GSDMC: variants seen among roughly 807,000 people sequenced by gnomAD.
GSDMC encodes gasdermin-C.
In GSDMC, 59 loss-of-function variants were observed where a neutral mutation model predicts 58.0. That is an observed-to-expected ratio of 1.02 (90% CI 0.82 to 1.26). The LOEUF (loss-of-function observed/expected upper bound fraction) is 1.26, where lower values mean the gene tolerates loss of function less well. Among genes scored for constraint, GSDMC ranks in the 50% most tolerant of loss-of-function variants. GSDMC has a pLI of 0.00. For missense variants in GSDMC, 659 were observed against 598.5 expected (o/e 1.10, Z -1.06); for synonymous variants, 241 against 220.2 (o/e 1.09, Z -0.83).
At chr8:129,727,995 G>T in the GSDMC span, among the ~76,000 whole-genome samples, 1 of 152,096 alleles carries the variant, frequency 6.6e-6, no homozygotes, top group African/African-American at 2.4e-5. Context: ...GTGTAGCAGG[G>T]CCCTCTCCAC....
intron 6 of GSDMC, among the ~76,000 whole-genome samples, chr8:129,758,399 T>A (rs1245178413): frequency 6.6e-6 from 1 of 152,164 alleles, no homozygotes; most frequent in Non-Finnish European, 1.5e-5. Context: ...CTAAAGGGCA[T>A]CCAGATTGGA....
the GSDMC span, among the ~76,000 whole-genome samples, chr8:129,709,935 A>G: frequency 6.6e-6 from 1 of 152,182 alleles, no homozygotes; most frequent in African/African-American, 2.4e-5. Flanking sequence ...TTCTTTGATC[A>G]TCTCATCTAA....
rs201817415 is a variant in GSDMC at position 129,748,557 on chromosome 8, G to A, written c.1471C>T (p.Pro491Ser). 4.3e-6 allele frequency: 7 copies of A among 1,613,514 alleles called. No individual in the cohort carries two copies. Among genetic ancestry groups the A allele is most frequent in the Admixed American group, 3.3e-5 (2 of 59,952 alleles). ...AGAGTCCCATAGAGGGCAGACAGGG[G>A]CATCTTTGCTTCTACATCCCAGGTT... ...RSTWDVEAKM[P>S]LSALYGTLSL... Residue 491 changes from proline (P) to serine (S), a missense_variant, in exon 14 of 14, where the codon CCC becomes TCC. Physicochemically the swap from Pro to Ser is moderately conservative, Grantham distance 74 (BLOSUM62 -1). Transcript: ENST00000276708.
At chr8:129,780,706 A>G (rs182055697) in intron 1 of GSDMC, among the ~76,000 whole-genome samples, 4 of 152,370 alleles carry the variant, frequency 2.6e-5, no homozygotes, top group Admixed American at 1.3e-4. Context: ...CTGAAGGTAC[A>G]AAACTCAATG....
rs774124196 is a variant in GSDMC at position 129,749,544 on chromosome 8, T to A, written c.1214-19A>T. 1 of 1,599,222 alleles carries A rather than the reference T, an allele frequency of 6.3e-7. No individual in the cohort carries two copies. Among genetic ancestry groups the A allele is most frequent in the Non-Finnish European group, 8.6e-7 (1 of 1,166,716 alleles). ...CTCAGCACTGAGGGTGGGGGACATG[T>A]GGGGAAAGACAGTAGTGAAGAATCC... On this transcript the variant is annotated intron_variant, in intron 12 of 13. Transcript: ENST00000276708.
the GSDMC span, among the ~76,000 whole-genome samples, chr8:129,719,982 T>G: frequency 2.0e-5 from 3 of 152,150 alleles, no homozygotes; most frequent in African/African-American, 7.2e-5. Flanking sequence ...GTCACATAAC[T>G]ACTCCAATAA....
intron 6 of GSDMC, among the ~76,000 whole-genome samples, chr8:129,757,468 A>C (rs2033485684): frequency 6.6e-6 from 1 of 152,122 alleles, no homozygotes; most frequent in Admixed American, 6.5e-5. Flanking sequence ...ATTCTACCAA[A>C]TATTTAAAGT....
intron 6 of GSDMC, among the ~76,000 whole-genome samples, chr8:129,754,058 A>T (rs905868696): frequency 2.0e-5 from 3 of 152,226 alleles, no homozygotes; most frequent in Non-Finnish European, 2.9e-5. Context: ...GTACCCACCC[A>T]AGGCCTGGGA....
chr8:129,746,985 C>G (rs915053547), downstream of GSDMC, among the ~76,000 whole-genome samples: 1 of 151,972 alleles, frequency 6.6e-6, no homozygotes, highest in East Asian at 1.9e-4. Flanking sequence ...AACGGTGGCT[C>G]ACACTTGTAA....
At chr8:129,770,377 T>C (rs1048762521) in intron 3 of GSDMC, among the ~76,000 whole-genome samples, 3 of 152,186 alleles carry the variant, frequency 2.0e-5, no homozygotes, top group African/African-American at 7.2e-5. Flanking sequence ...ACACCTATAG[T>C]CCCATGTACT....
rs189018188 is a variant in GSDMC, at chr8:129,770,127, T to G, written c.405-4334A>C. 2.6e-5 allele frequency among the ~76,000 whole-genome samples: 4 copies of G among 152,328 alleles called. No individual in the cohort carries two copies. The East Asian group carries it at 7.7e-4, about 29-fold the overall frequency. On this transcript the variant is annotated intron_variant, in intron 3 of 13. Transcript: ENST00000276708. ...ATATAAAAATATGTGAATCTTAATATCAATAACCTAAAATATCAATGAGGG... is the reference window on the plus strand; with the variant it reads ...ATATAAAAATATGTGAATCTTAATAGCAATAACCTAAAATATCAATGAGGG...
intron 4 of GSDMC, among the ~76,000 whole-genome samples, chr8:129,763,771 G>A (rs2033757557): frequency 6.6e-6 from 1 of 152,066 alleles, no homozygotes; most frequent in African/African-American, 2.4e-5. Flanking sequence ...GTAGAGACAA[G>A]GTCTCACTAT....
chr8:129,757,113 A>G (rs2033470670), intron 6 of GSDMC, among the ~76,000 whole-genome samples: 1 of 152,060 alleles, frequency 6.6e-6, no homozygotes, highest in Non-Finnish European at 1.5e-5. Flanking sequence ...AATGAAACAA[A>G]AAGTTGGCTT....
At chr8:129,713,888 A>G in the GSDMC span, among the ~76,000 whole-genome samples, 1 of 152,166 alleles carries the variant, frequency 6.6e-6, no homozygotes, top group Non-Finnish European at 1.5e-5. Context: ...TCTGACTAAG[A>G]GCACACACAG....
At chr8:129,733,965 G>A in the GSDMC span, among the ~76,000 whole-genome samples, 1 of 152,156 alleles carries the variant, frequency 6.6e-6, no homozygotes, top group African/African-American at 2.4e-5. Context: ...AATAAACAGT[G>A]TAGAGAACAC....
the GSDMC span, among the ~76,000 whole-genome samples, chr8:129,719,157 A>G: frequency 6.6e-6 from 1 of 152,200 alleles, no homozygotes; most frequent in Non-Finnish European, 1.5e-5. Context: ...TGTTCTGCAC[A>G]TGTATCCCAG....
chr8:129,760,606 A>G lies in GSDMC; in HGVS notation c.677-17T>C, dbSNP rs2130429467. On this transcript the variant is annotated splice_polypyrimidine_tract_variant and intron_variant, in intron 5 of 13. Transcript: ENST00000276708. ...TGAGAATGGCTGAATGGAAAAGAAG[A>G]ACTTCCATTAGGAGAGTTGAGGTTA... The G allele has an allele frequency of 7.1e-7, 1 of 1,405,278 alleles. No individual in the cohort carries two copies. The highest frequency in any genetic ancestry group is 2.4e-5 in the East Asian group (1 of 41,900). 87.1% of individuals were successfully genotyped at this position (1,405,278 alleles called of 1,614,324 possible). A position where few individuals can be genotyped will look rare whatever the true frequency, so the allele number is the denominator to read the frequency against.
chr8:129,753,758 G>C (rs59330526), intron 6 of GSDMC, among the ~76,000 whole-genome samples: 1 of 152,066 alleles, frequency 6.6e-6, no homozygotes, highest in Non-Finnish European at 1.5e-5. Context: ...TGGGCCACAG[G>C]AGAGCCCACT....
intron 3 of GSDMC, among the ~76,000 whole-genome samples, chr8:129,775,612 C>A (rs2034199567): frequency 6.6e-6 from 1 of 152,088 alleles, no homozygotes; most frequent in Non-Finnish European, 1.5e-5. Flanking sequence ...TCACATTGTA[C>A]ACCTTAAATT....
Sources: allele counts gnomAD v4.1 joint callset (sites outside exome capture counted in the v4.1 genomes callset), GRCh38; gene constraint gnomAD v4.1.1; transcripts MANE v1.5; gene names NCBI Gene and HGNC (gene_info 2026-07-23, HGNC 2026-07-21).